The following ZNF26 variants were observed in gnomAD, a reference collection of about 807,000 sequenced individuals.
ZNF26 encodes the protein epididymis luminal protein 179.
A neutral mutation model predicts 54.9 loss-of-function variants in ZNF26; 32 were observed. The ratio of observed to expected loss-of-function variants is 0.58; its 90% confidence interval spans 0.44 to 0.78. The LOEUF is 0.78. Ranked by LOEUF, ZNF26 falls within the 30% of genes least tolerant of loss-of-function variation. The pLI is 0.00. For synonymous variants in ZNF26, 221 were observed against 209.2 expected (o/e 1.06, Z -0.49); for missense variants, 524 against 634.0 (o/e 0.83, Z 1.86).
chr12:133,005,128 C>T (rs1423293121), intron 1 of ZNF26: 1 of 152,024 alleles, frequency 6.6e-6, no homozygotes. Flanking sequence ...TGAACATTGC[C>T]CTATTATTTC....
chr12:133,009,940 C>T (rs1953432532), intron 3 of ZNF26, among the ~76,000 whole-genome samples, 196 bp from the exon 4 acceptor site: 2 of 152,138 alleles, frequency 1.3e-5, no homozygotes, highest in African/African-American at 4.8e-5. Flanking sequence ...TACCAGTTTT[C>T]ACGACGGGAC....
rs2137288051 is a variant in ZNF26 at position 133,024,198 on chromosome 12, C to G, written c.*12717C>G. On this transcript the variant is annotated 3_prime_UTR_variant, in exon 4 of 4. Coordinates refer to ENST00000328654, the MANE Select transcript of ZNF26 (RefSeq NM_019591.4). ...ACTGGCCTTGGCACTGGATGATGAG[C>G]AGAATCTGAAAGGCCCTTGAGTAAA... 6.6e-6 allele frequency: 1 copy of G among 152,304 alleles called. No homozygotes were observed. The highest frequency in any genetic ancestry group is 2.4e-5 in the African/African-American group (1 of 41,558). The allele number at this position is 152,304 out of a possible 1,614,324, so 9.4% of individuals were successfully genotyped here.
chr12:132,990,074 A>G (rs963551011), intron 1 of ZNF26, among the ~76,000 whole-genome samples: 3 of 152,104 alleles, frequency 2.0e-5, no homozygotes, highest in African/African-American at 7.2e-5. Flanking sequence ...GCTTTAGCCT[A>G]GGAATTCAGG....
intron 1 of ZNF26, chr12:132,987,631 C>G (rs1952853280): frequency 2.3e-6 from 2 of 882,130 alleles, no homozygotes; most frequent in African/African-American, 3.6e-5. Context: ...GAATGACTTT[C>G]GCAGGTGTTG....
intron 3 of ZNF26, among the ~76,000 whole-genome samples, chr12:133,009,401 T>A (rs1953418415): frequency 6.6e-6 from 1 of 152,120 alleles, no homozygotes; most frequent in Non-Finnish European, 1.5e-5. Flanking sequence ...GAGACCAGCC[T>A]GGCCAACAAG....
rs1953610119 is a variant in ZNF26 at position 133,019,438 on chromosome 12, A to C, written c.*7957A>C. ...CAAACAGACGTTTCTCAGAGAAGACATGCAAATGTCTAACAGGTATATGAA... is the reference window on the plus strand; with the variant it reads ...CAAACAGACGTTTCTCAGAGAAGACCTGCAAATGTCTAACAGGTATATGAA... On this transcript the variant is annotated 3_prime_UTR_variant, in exon 4 of 4. Transcript: ENST00000328654. The C allele has an allele frequency of 6.6e-6, 1 of 152,356 alleles. No homozygotes were observed. Among genetic ancestry groups the C allele is most frequent in the Non-Finnish European group, 1.5e-5 (1 of 68,038 alleles). The allele number at this position is 152,356 out of a possible 1,614,324, so 9.4% of individuals were successfully genotyped here.
rs1426909526 is a variant in ZNF26 at position 133,019,158 on chromosome 12, C to G, written c.*7677C>G. 1 of 152,102 alleles carries G rather than the reference C, an allele frequency of 6.6e-6. No homozygotes were observed. Among genetic ancestry groups the G allele is most frequent in the Non-Finnish European group, 1.5e-5 (1 of 68,010 alleles). 9.4% of individuals were successfully genotyped at this position (152,102 alleles called of 1,614,324 possible). ...AAAGTATTTTGTAAAGATAAGTCAT[C>G]AAGAAGATGTAACAATTATAAATAG... On this transcript the variant is annotated 3_prime_UTR_variant, in exon 4 of 4. Coordinates refer to ENST00000328654, the MANE Select transcript of ZNF26 (RefSeq NM_019591.4).
Position 133,001,378 on chromosome 12 carries a change from A to G in ZNF26, c.34-5664A>G, listed in dbSNP as rs921778959. On this transcript the variant is annotated intron_variant, in intron 1 of 3. Coordinates refer to ENST00000328654, the MANE Select transcript of ZNF26 (RefSeq NM_019591.4). The surrounding 1 kb of genome is among the most constrained non-coding windows in gnomAD (Gnocchi z 4.7). Reference sequence around the variant, plus strand: ...GCTTGTCTGTATTCCCACTTCATTTACTTGTTGCCCTCCGACGGGGGCTCC... The same window carrying G: ...GCTTGTCTGTATTCCCACTTCATTTGCTTGTTGCCCTCCGACGGGGGCTCC... Among the ~76,000 whole-genome samples the G allele has an allele frequency of 1.1e-4, 17 of 152,054 alleles. No individual in the cohort carries two copies. Among genetic ancestry groups the G allele is most frequent in the Non-Finnish European group, 2.9e-5 (2 of 68,002 alleles).
At position 132,986,667 on chromosome 12, in the gene ZNF26, C is replaced by G; in HGVS notation, c.-174C>G. The G allele has an allele frequency of 1.6e-6, 1 of 633,594 alleles. No homozygotes were observed. Among genetic ancestry groups the G allele is most frequent in the Non-Finnish European group, 2.7e-6 (1 of 364,164 alleles). The allele number at this position is 633,594 out of a possible 1,614,324, so 39.2% of individuals were successfully genotyped here. On this transcript the variant is annotated 5_prime_UTR_variant, in exon 1 of 4. Coordinates refer to ENST00000328654, the MANE Select transcript of ZNF26 (RefSeq NM_019591.4). The stretch of plus-strand genomic sequence containing the variant: ...GGGAGGTTGTCTAGTCACGCGCGGT[C>G]TGTGTTGGGCGAGAGCTGAGGAGCC...
intron 1 of ZNF26, among the ~76,000 whole-genome samples, chr12:132,998,566 T>C (rs1953141941): frequency 2.0e-5 from 3 of 152,328 alleles, no homozygotes; most frequent in African/African-American, 7.2e-5. Context: ...TTGTAACACC[T>C]GTATGAATTC....
intron 1 of ZNF26, chr12:132,995,390 T>C (rs1261619520): frequency 6.6e-6 from 1 of 151,168 alleles, no homozygotes; most frequent in Non-Finnish European, 1.5e-5. Flanking sequence ...AAATGTCTCC[T>C]TGTTTTTTTT....
At position 133,007,470 on chromosome 12, in the gene ZNF26, A is replaced by C; in HGVS notation, c.194A>C (p.Lys65Thr). Residue 65 changes from lysine (K) to threonine (T), a missense_variant, in exon 3 of 4, where the codon AAG becomes ACG. By Grantham distance (78) the Lys-to-Thr change is moderately conservative (BLOSUM62 -1). Transcript: ENST00000328654. ...YHGTKPDLIFKLEQGEDPWII... is the reference protein window; with the variant it reads ...YHGTKPDLIFTLEQGEDPWII... ...GGTACCAAGCCTGACTTAATCTTCA[A>C]GTTGGAACAAGGAGAAGATCCATGG... 6.2e-7 allele frequency: 1 copy of C among 1,613,902 alleles called. No homozygotes were observed. Among genetic ancestry groups the C allele is most frequent in the South Asian group, 1.1e-5 (1 of 91,052 alleles).
In ZNF26 at chr12:132,986,908, GGATACT is replaced by G. The variant is rs1431071042; in HGVS notation, c.33+38_33+43del. ...GACTTTCCGTGTTTAAAATTCGACT[GGATACT>G]GAGGGTGGCCACGTTAATCTCTTCA... On this transcript the variant is annotated intron_variant, in intron 1 of 3. Coordinates refer to ENST00000328654, the MANE Select transcript of ZNF26 (RefSeq NM_019591.4). 25 of 1,587,308 alleles carry G rather than the reference GGATACT, an allele frequency of 1.6e-5. No individual in the cohort carries two copies. In the African/African-American group the frequency reaches 3.1e-4, roughly 20 times the overall value.
At chr12:133,008,058 G>C (rs10781670) in intron 3 of ZNF26, among the ~76,000 whole-genome samples, 72,899 of 151,776 alleles carry the variant, frequency 0.48, 19,061 homozygotes, top group East Asian at 0.76. Flanking sequence ...TCTCCTCTCC[G>C]AATGTTGTAA....
rs1230400340 is a variant in ZNF26 at position 133,026,002 on chromosome 12, C to T, written c.*14521C>T. The T allele has an allele frequency of 1.3e-5, 2 of 152,420 alleles. No individual in the cohort carries two copies. Among genetic ancestry groups the T allele is most frequent in the Non-Finnish European group, 2.9e-5 (2 of 68,228 alleles). The allele number at this position is 152,420 out of a possible 1,614,324, so 9.4% of individuals were successfully genotyped here. On this transcript the variant is annotated 3_prime_UTR_variant, in exon 4 of 4. Transcript: ENST00000328654. ...GAGTGAGAGATGCCTAAAACACCCC[C>T]AGGCATTCCAGCCCCTTCTGTTCTA... is the stretch of plus-strand genomic sequence containing the variant.
Position 133,011,175 on chromosome 12 carries a change from G to T in ZNF26, c.1296G>T (p.Glu432Asp), listed in dbSNP as rs1054343332. The change falls in exon 4 of 4, where the codon GAG (glutamate) becomes GAT (aspartate). Residue 432 changes from glutamate (E) to aspartate (D), a missense_variant. Physicochemically the swap from Glu to Asp is conservative, Grantham distance 45. Coordinates refer to ENST00000328654, the MANE Select transcript of ZNF26 (RefSeq NM_019591.4). ...GERPYECSLC[E>D]RAFCGKSQLI... ...GACCCTATGAATGTAGTTTGTGTGA[G>T]AGAGCCTTTTGTGGAAAATCACAGC... is the stretch of plus-strand genomic sequence containing the variant. The T allele has an allele frequency of 7.4e-6, 12 of 1,614,028 alleles. No individual in the cohort carries two copies. Among genetic ancestry groups the T allele is most frequent in the Non-Finnish European group, 9.3e-6 (11 of 1,180,030 alleles).
intron 3 of ZNF26, among the ~76,000 whole-genome samples, chr12:133,009,672 C>G (rs1041233735): frequency 6.6e-5 from 10 of 152,114 alleles, no homozygotes; most frequent in Non-Finnish European, 1.5e-4. Context: ...ATTCCATTCA[C>G]TCAGTGGGTT....
chr12:133,001,652 G>T lies in ZNF26; in HGVS notation c.34-5390G>T. 1 of 1,289,156 alleles carries T rather than the reference G, an allele frequency of 7.8e-7. No individual in the cohort carries two copies. Among genetic ancestry groups the T allele is most frequent in the South Asian group, 1.2e-5 (1 of 81,022 alleles). The allele number at this position is 1,289,156 out of a possible 1,614,324, so 79.9% of individuals were successfully genotyped here. A position where few individuals can be genotyped will look rare whatever the true frequency, so the allele number is the denominator to read the frequency against. ...CTGCAGGTAGTGCTGCTGAGGAGGA[G>T]CCTGCTAATGAGCTCAAGTGTCAAG... On this transcript the variant is annotated intron_variant, in intron 1 of 3. Coordinates refer to ENST00000328654, the MANE Select transcript of ZNF26 (RefSeq NM_019591.4). The surrounding 1 kb of genome is among the most constrained non-coding windows in gnomAD (Gnocchi z 4.7).
At chr12:132,996,801 G>T (rs1166381942) in intron 1 of ZNF26, among the ~76,000 whole-genome samples, 1 of 152,094 alleles carries the variant, frequency 6.6e-6, no homozygotes, top group African/African-American at 2.4e-5. Context: ...TATATTTTCT[G>T]GTTGGTGACT....
Sources: gnomAD v4.1 joint callset for allele counts (sites outside exome capture counted in the v4.1 genomes callset) on GRCh38, gnomAD v4.1.1 for gene constraint, Gnocchi (gnomAD v3.1) non-coding constraint, MANE v1.5 for transcripts, NCBI Gene and HGNC (gene_info 2026-07-23, HGNC 2026-07-21) for gene names.